CEP350: variants seen among roughly 807,000 people sequenced by gnomAD.
The protein encoded by CEP350 is centrosome-associated protein 350.
In CEP350, 126 loss-of-function variants were observed where a neutral mutation model predicts 331.8. The observed-to-expected ratio is 0.38, with a 90% CI of 0.33 to 0.44. CEP350 has a LOEUF of 0.44. Among genes scored for constraint, CEP350 ranks in the 20% least tolerant of loss-of-function variants. CEP350 has a pLI of 1.00. For synonymous variants in CEP350, 1,200 were observed against 1,259.5 expected, an observed-to-expected ratio of 0.95 and a Z score of 1.00; for missense variants, 3,406 against 3,634.6, an observed-to-expected ratio of 0.94 and a Z score of 1.62.
chr1:180,089,582 CAAA>C (rs71660691), intron 32 of CEP350, among the ~76,000 whole-genome samples: 16 of 86,164 alleles, frequency 1.9e-4, no homozygotes, highest in Admixed American at 5.2e-4. Context: ...GACTCCATCT[CAAA>C]AAAAAAAAAA....
At chr1:179,958,635 G>A (rs1354238282) in intron 1 of CEP350, among the ~76,000 whole-genome samples, 1 of 152,074 alleles carries the variant, frequency 6.6e-6, no homozygotes. Context: ...GACTCTTGGC[G>A]AATTACTTAA....
chr1:180,081,293 A>G (rs1305415090), intron 30 of CEP350, among the ~76,000 whole-genome samples: 1 of 152,022 alleles, frequency 6.6e-6, no homozygotes, highest in African/African-American at 2.4e-5. Context: ...TTTGTTTTCC[A>G]TGTGTCAGAC....
intron 12 of CEP350, 30 bp downstream of exon 12, chr1:180,021,039 T>G (rs1282753194): frequency 6.9e-7 from 1 of 1,439,134 alleles, no homozygotes; most frequent in Non-Finnish European, 9.2e-7. Context: ...CTTGTACTGT[T>G]TGTATATTAA....
chr1:180,000,846 C>T (rs1472954612), intron 6 of CEP350: 1 of 152,212 alleles, frequency 6.6e-6, no homozygotes, highest in African/African-American at 2.4e-5. Flanking sequence ...GCAGAATCAC[C>T]ACACTTTTTT....
intron 1 of CEP350, among the ~76,000 whole-genome samples, chr1:179,959,528 G>A (rs1650429501): frequency 6.6e-6 from 1 of 152,070 alleles, no homozygotes. Flanking sequence ...GCTGAGGCGG[G>A]CAGATCACCT....
chr1:180,078,295 A>C (rs1483621754), intron 28 of CEP350, among the ~76,000 whole-genome samples, 168 bp from the exon 29 acceptor site: 2 of 152,234 alleles, frequency 1.3e-5, no homozygotes, highest in African/African-American at 2.4e-5. Flanking sequence ...ACTGTGAAAT[A>C]GATAACCCAG....
intron 22 of CEP350, among the ~76,000 whole-genome samples, chr1:180,050,078 T>G (rs1657387317): frequency 6.6e-6 from 1 of 152,122 alleles, no homozygotes; most frequent in African/African-American, 2.4e-5. Context: ...ACAGCTAGAA[T>G]TCACAGGGCA....
At chr1:180,095,433 A>G in intron 34 of CEP350, 90 bp from the exon 35 acceptor site, 1 of 1,377,374 alleles carries the variant, frequency 7.3e-7, no homozygotes, top group East Asian at 2.5e-5. Context: ...TATTAGATAT[A>G]TAAATAATGC....
Position 180,093,373 on chromosome 1 carries a change from C to A in CEP350, c.7268C>A (p.Thr2423Lys). ...RDKPQPMRSS[T>K]SGATSFGSNE... ...AAGCCACAGCCAATGAGGAGCTCTA[C>A]AAGTGGAGCCACTAGCTTTGGTAGT... The change falls in exon 34 of 38, where the codon ACA (threonine) becomes AAA (lysine). Residue 2423 changes from threonine to lysine, a missense_variant. By Grantham distance (78) the Thr-to-Lys change is moderately conservative. Around this residue, in one of 5 missense-constraint regions of CEP350, gnomAD observed 1,415 missense variants for 1,512.3 expected, o/e 0.94. Coordinates refer to ENST00000367607, the MANE Select transcript of CEP350 (RefSeq NM_014810.5). 1 of 1,600,128 alleles carries A rather than the reference C, an allele frequency of 6.2e-7. No individual in the cohort carries two copies. The highest frequency in any genetic ancestry group is 8.5e-7 in the Non-Finnish European group (1 of 1,173,060).
Position 180,066,208 on chromosome 1 carries a change from G to T in CEP350, c.5567+936G>T, listed in dbSNP as rs545117756. Among the ~76,000 whole-genome samples, 4 of 152,240 alleles carry T rather than the reference G, an allele frequency of 2.6e-5. No homozygotes were observed. In the South Asian group the frequency reaches 8.3e-4, roughly 32 times the overall value. ...TTTATGTGAGACTTTACTCTTTGGGGTGTATATTTAATTAAATACGGTTAA... is the reference window on the plus strand; with the variant it reads ...TTTATGTGAGACTTTACTCTTTGGGTTGTATATTTAATTAAATACGGTTAA... On this transcript the variant is annotated intron_variant, in intron 27 of 37. Coordinates refer to ENST00000367607, the MANE Select transcript of CEP350 (RefSeq NM_014810.5).
Position 180,044,130 on chromosome 1 carries a change from G to A in CEP350, c.4579G>A (p.Asp1527Asn). 1 of 1,567,018 alleles carries A rather than the reference G, an allele frequency of 6.4e-7. No homozygotes were observed. Among genetic ancestry groups the A allele is most frequent in the Non-Finnish European group, 8.7e-7 (1 of 1,154,174 alleles). ...GCATCAGAAGTATTCTGCTTCATAT[G>A]ATAGTTATTCTGAGTCTTCAGGATA... is the stretch of plus-strand genomic sequence containing the variant. ...SKHQKYSASY[D>N]SYSESSGYKN... Residue 1527 changes from aspartate to asparagine, a missense_variant, in exon 21 of 38, where the codon GAT (aspartate) becomes AAT (asparagine). Coordinates refer to ENST00000367607, the MANE Select transcript of CEP350 (RefSeq NM_014810.5).
At chr1:180,080,974 C>G (rs1219545531) in intron 30 of CEP350, among the ~76,000 whole-genome samples, 1 of 152,082 alleles carries the variant, frequency 6.6e-6, no homozygotes, top group Non-Finnish European at 1.5e-5. Context: ...ATTCTCCTGC[C>G]TCAGCCTCCC....
At chr1:180,076,617 C>T (rs541525150) in intron 28 of CEP350, among the ~76,000 whole-genome samples, 84 of 152,044 alleles carry the variant, frequency 5.5e-4, no homozygotes, top group Non-Finnish European at 3.8e-4. Flanking sequence ...GGTAAAACCC[C>T]GTTTCTACCA....
intron 8 of CEP350, among the ~76,000 whole-genome samples, chr1:180,010,356 A>T (rs1654545415): frequency 6.7e-6 from 1 of 148,950 alleles, no homozygotes; most frequent in Non-Finnish European, 1.5e-5. Flanking sequence ...ATCATTGATC[A>T]AGGGGCATGA....
chr1:180,092,550 G>T, intron 33 of CEP350, 64 bp from the exon 34 acceptor site: 1 of 1,282,446 alleles, frequency 7.8e-7, no homozygotes. Context: ...TCTAAACTTT[G>T]GTTCACAAAA....
At chr1:180,034,199 A>G in intron 16 of CEP350, 117 bp downstream of exon 16, 1 of 1,243,934 alleles carries the variant, frequency 8.0e-7, no homozygotes, top group South Asian at 1.6e-5. Flanking sequence ...AGTGAATATG[A>G]TTACTTTTCA....
intron 1 of CEP350, among the ~76,000 whole-genome samples, chr1:179,959,508 A>G (rs570579258): frequency 6.7e-4 from 102 of 152,096 alleles, no homozygotes; most frequent in Admixed American, 3.1e-3. Context: ...TAATCCCAGC[A>G]CTTTGGGAGG....
chr1:180,072,700 G>A (rs1308401829), intron 27 of CEP350, among the ~76,000 whole-genome samples: 5 of 152,134 alleles, frequency 3.3e-5, no homozygotes, highest in African/African-American at 1.2e-4. Flanking sequence ...TAAGTTATAT[G>A]TGAGGAAACA....
At chr1:180,010,462 G>A (rs1654561818) in intron 8 of CEP350, among the ~76,000 whole-genome samples, 1 of 143,274 alleles carries the variant, frequency 7.0e-6, no homozygotes, top group African/African-American at 2.6e-5. Flanking sequence ...CAAGTAATGT[G>A]TAGGCAGAAT....
Sources: gnomAD v4.1 joint callset for allele counts (sites outside exome capture counted in the v4.1 genomes callset) on GRCh38, gnomAD v4.1.1 for gene constraint, gnomAD v4.1.1 regional missense constraint, MANE v1.5 for transcripts, NCBI Gene and HGNC (gene_info 2026-07-23, HGNC 2026-07-21) for gene names.